Variants in ADGRB3 observed in about 807,000 individuals in gnomAD.
The protein encoded by ADGRB3 is brain-specific angiogenesis inhibitor 3.
A neutral mutation model predicts 193.4 loss-of-function variants in ADGRB3; 37 were observed. That is an observed-to-expected ratio of 0.19 (90% CI 0.15 to 0.25). ADGRB3 has a LOEUF of 0.25. ADGRB3 is among the 10% of genes least tolerant of loss of function. The pLI, the probability that ADGRB3 is intolerant of heterozygous loss-of-function variation, is 1.00. For missense variants in ADGRB3, 1,637 were observed against 1,852.9 expected (o/e 0.88, Z 2.14); for synonymous variants, 690 against 644.2 (o/e 1.07, Z -1.08).
At chr6:68,953,779 C>G (rs1767995248) in intron 6 of ADGRB3, among the ~76,000 whole-genome samples, 1 of 152,104 alleles carries the variant, frequency 6.6e-6, no homozygotes, top group Non-Finnish European at 1.5e-5. Flanking sequence ...TTTTTAATAC[C>G]TACATGTAAG....
At chr6:68,832,633 T>C (rs1767977100) in intron 3 of ADGRB3, among the ~76,000 whole-genome samples, 1 of 152,124 alleles carries the variant, frequency 6.6e-6, no homozygotes, top group South Asian at 2.1e-4. Context: ...TGTTATTAGA[T>C]TGGTTGGAGT....
At chr6:68,758,271 C>G (rs1039898167) in intron 3 of ADGRB3, among the ~76,000 whole-genome samples, 3 of 152,020 alleles carry the variant, frequency 2.0e-5, no homozygotes, top group Non-Finnish European at 2.9e-5. Context: ...ATCACCGACT[C>G]CACTATCACC....
At chr6:69,329,404 G>A (rs1008692899) in intron 22 of ADGRB3, among the ~76,000 whole-genome samples, 1 of 152,148 alleles carries the variant, frequency 6.6e-6, no homozygotes, top group Non-Finnish European at 1.5e-5. Context: ...TGCTGATATA[G>A]TATCTCTTTG....
intron 20 of ADGRB3, among the ~76,000 whole-genome samples, chr6:69,275,823 A>C (rs896129892): frequency 6.6e-6 from 1 of 152,026 alleles, no homozygotes; most frequent in African/African-American, 2.4e-5. Flanking sequence ...TAGCCTCTTG[A>C]GTGTTTTGAG....
intron 17 of ADGRB3, among the ~76,000 whole-genome samples, chr6:69,100,354 A>AC (rs1206320467): frequency 1.3e-5 from 2 of 152,238 alleles, no homozygotes; most frequent in Non-Finnish European, 2.9e-5. Flanking sequence ...ATAACTAAAA[A>AC]ATAAAAATCA....
intron 26 of ADGRB3, among the ~76,000 whole-genome samples, chr6:69,343,463 C>T (rs1272857675): frequency 6.6e-6 from 1 of 151,160 alleles, no homozygotes; most frequent in African/African-American, 2.4e-5. Flanking sequence ...CGATAGTTTA[C>T]TCTTTTAGTG....
intron 17 of ADGRB3, among the ~76,000 whole-genome samples, chr6:69,141,130 G>GTA (rs1457042090): frequency 1.0e-5 from 1 of 97,844 alleles, no homozygotes; most frequent in African/African-American, 3.1e-5. Flanking sequence ...TTTTTTTTTG[G>GTA]GGGGGGCGGT....
chr6:68,784,956 A>G (rs1766932562), intron 3 of ADGRB3, among the ~76,000 whole-genome samples: 2 of 152,088 alleles, frequency 1.3e-5, no homozygotes, highest in Admixed American at 6.6e-5. Context: ...ACTGCCAAAT[A>G]TTGTGATTAT....
intron 3 of ADGRB3, among the ~76,000 whole-genome samples, chr6:68,920,793 T>TA (rs147748338): frequency 0.031 from 4,733 of 150,894 alleles, 208 homozygotes; most frequent in African/African-American, 0.1. Context: ...ATGAAGAAAC[T>TA]AAAAAAAAAT....
At chr6:68,912,289 G>T (rs1766736506) in intron 3 of ADGRB3, among the ~76,000 whole-genome samples, 1 of 151,250 alleles carries the variant, frequency 6.6e-6, no homozygotes, top group South Asian at 2.1e-4. Flanking sequence ...ATCTACTGTG[G>T]CCTAATATTA....
At chr6:69,115,528 C>T (rs556393034) in intron 17 of ADGRB3, among the ~76,000 whole-genome samples, 23 of 152,156 alleles carry the variant, frequency 1.5e-4, no homozygotes, top group East Asian at 7.7e-4. Flanking sequence ...CAAACCACCA[C>T]GGCACGTGTA....
intron 4 of ADGRB3, among the ~76,000 whole-genome samples, chr6:68,935,298 G>T (rs1350176009): frequency 6.6e-6 from 1 of 152,082 alleles, no homozygotes; most frequent in Non-Finnish European, 1.5e-5. Context: ...TTACATTCTG[G>T]CCCAAACTCC....
chr6:68,821,957 G>A (rs891192950), intron 3 of ADGRB3, among the ~76,000 whole-genome samples: 1 of 151,840 alleles, frequency 6.6e-6, no homozygotes, highest in Non-Finnish European at 1.5e-5. Context: ...ACGGAGGTAG[G>A]TACTATTATT....
chr6:68,730,457 A>T (rs1427478866), intron 3 of ADGRB3, among the ~76,000 whole-genome samples: 5 of 151,662 alleles, frequency 3.3e-5, no homozygotes, highest in Non-Finnish European at 7.4e-5. Flanking sequence ...ACATCTAATA[A>T]AGTTGATGAC....
chr6:68,713,982 G>A (rs180728554), intron 3 of ADGRB3, among the ~76,000 whole-genome samples: 3 of 151,512 alleles, frequency 2.0e-5, no homozygotes, highest in African/African-American at 7.3e-5. Flanking sequence ...ATTATATATG[G>A]CATTTTATAG....
At position 69,070,324 on chromosome 6, in the gene ADGRB3, G is replaced by A. The variant is rs371252040; in HGVS notation, c.2437-5671G>A. The stretch of plus-strand genomic sequence containing the variant: ...GTAACCACTTTATTTCTTTTTTTAA[G>A]CAATTGTATTTGTAGTTTACAAATA... On this transcript the variant is annotated intron_variant, in intron 16 of 31. Coordinates refer to ENST00000370598, the MANE Select transcript of ADGRB3 (RefSeq NM_001704.3). 1.2e-3 allele frequency among the ~76,000 whole-genome samples: 187 copies of A among 152,110 alleles called. 1 individual carries two copies. Among genetic ancestry groups the A allele is most frequent in the African/African-American group, 4.4e-3 (184 of 41,506 alleles).
intron 17 of ADGRB3, among the ~76,000 whole-genome samples, chr6:69,208,639 T>C (rs1765589166): frequency 6.6e-6 from 1 of 152,190 alleles, no homozygotes; most frequent in African/African-American, 2.4e-5. Flanking sequence ...CCCTAGTCTT[T>C]TCTTCCTCTG....
intron 17 of ADGRB3, among the ~76,000 whole-genome samples, chr6:69,078,086 A>G (rs921397655): frequency 6.6e-6 from 1 of 152,052 alleles, no homozygotes; most frequent in South Asian, 2.1e-4. Flanking sequence ...TCCTCTAAAT[A>G]TAATTAATAG....
chr6:68,850,681 G>A (rs996768), intron 3 of ADGRB3, among the ~76,000 whole-genome samples: 40,856 of 151,840 alleles, frequency 0.27, 6,631 homozygotes, highest in Middle Eastern at 0.51. Context: ...TCACAGACAT[G>A]AATTATTGTT....
Sources: gnomAD v4.1 joint callset for allele counts (sites outside exome capture counted in the v4.1 genomes callset) on GRCh38, gnomAD v4.1.1 for gene constraint, MANE v1.5 for transcripts, NCBI Gene and HGNC (gene_info 2026-07-23, HGNC 2026-07-21) for gene names.